Variants in CLPTM1L observed in about 807,000 individuals in gnomAD.
CLPTM1L encodes the protein lipid scramblase CLPTM1L.
CLPTM1L carries 38 observed loss-of-function variants against 70.9 expected under a neutral mutation model. The observed-to-expected ratio is 0.54, with a 90% confidence interval of 0.41 to 0.70. The LOEUF is 0.70. Among genes scored for constraint, CLPTM1L ranks in the 30% least tolerant of loss-of-function variants. CLPTM1L has a pLI of 0.00. For synonymous variants in CLPTM1L, 339 were observed against 299.9 expected, an observed-to-expected ratio of 1.13 and a Z score of -1.35; for missense variants, 652 against 705.9, an observed-to-expected ratio of 0.92 and a Z score of 0.87.
At chr5:1,344,490 C>T in intron 1 of CLPTM1L, 39 bp from the exon 2 acceptor site, 1 of 1,573,414 alleles carries the variant, frequency 6.4e-7, no homozygotes, top group Non-Finnish European at 8.7e-7. Flanking sequence ...CTCGGCCAGG[C>T]CCTGGCAGGA....
In CLPTM1L at chr5:1,338,974, G is replaced by A. The variant is rs1560869305; in HGVS notation, c.485C>T (p.Ala162Val). Reference protein sequence around the residue: ...QIEAEKKPTSALDEPVSHWRP... With the variant: ...QIEAEKKPTSVLDEPVSHWRP... ...CCAGTGGGACACTGGCTCATCCAGGGCACTCGTCGGCTTCTTCTCCGCCTC... is the reference window on the plus strand; with the variant it reads ...CCAGTGGGACACTGGCTCATCCAGGACACTCGTCGGCTTCTTCTCCGCCTC... The change falls in exon 4 of 17, where the codon GCC (alanine) becomes GTC (valine). Residue 162 changes from alanine to valine, a missense_variant. Coordinates refer to ENST00000320895, the MANE Select transcript of CLPTM1L (RefSeq NM_030782.5). 3 of 1,613,178 alleles carry A rather than the reference G, an allele frequency of 1.9e-6. No individual in the cohort carries two copies. Among genetic ancestry groups the A allele is most frequent in the African/African-American group, 2.7e-5 (2 of 74,956 alleles).
Position 1,328,004 on chromosome 5 carries a change from G to A in CLPTM1L, c.1081-2188C>T, listed in dbSNP as rs370468348. Among the ~76,000 whole-genome samples, 123 of 15,008 alleles carry A rather than the reference G, an allele frequency of 8.2e-3. 61 individuals carry two copies. The highest frequency in any genetic ancestry group is 6.2e-3 in the Admixed American group (10 of 1,620). 9.8% of individuals were successfully genotyped at this position (15,008 alleles called of 152,430 possible). A position where few individuals can be genotyped will look rare whatever the true frequency, so the allele number is the denominator to read the frequency against. ...ACATTCCATCCAGCTCCTCCTCTAC[G>A]GACACATTCCATCCAGCTCCTCCTC... On this transcript the variant is annotated intron_variant, in intron 9 of 16. Coordinates refer to ENST00000320895, the MANE Select transcript of CLPTM1L (RefSeq NM_030782.5).
chr5:1,322,717 T>TG (rs1752229835), intron 13 of CLPTM1L, 160 bp downstream of exon 13: 3 of 744,706 alleles, frequency 4.0e-6, no homozygotes, highest in African/African-American at 1.7e-5. Context: ...GCTCACAGCC[T>TG]GGGGGGAGCC....
rs1751924479 is a variant in CLPTM1L, at chr5:1,317,907, A to G, written c.*462T>C. ...AATTTATTTTAAAATAGAAACATAC[A>G]TTAAGCTTTAAAACAACCAACTCTC... is the stretch of plus-strand genomic sequence containing the variant. On this transcript the variant is annotated 3_prime_UTR_variant, in exon 17 of 17. Transcript: ENST00000320895. 6.4e-6 allele frequency: 1 copy of G among 157,312 alleles called. No homozygotes were observed. The highest frequency in any genetic ancestry group is 2.4e-5 in the African/African-American group (1 of 41,714). The allele number at this position is 157,312 out of a possible 1,614,324, so 9.7% of individuals were successfully genotyped here. A position where few individuals can be genotyped will look rare whatever the true frequency, so the allele number is the denominator to read the frequency against.
At chr5:1,322,190 G>A (rs1434293741) in intron 13 of CLPTM1L, among the ~76,000 whole-genome samples, 1 of 152,192 alleles carries the variant, frequency 6.6e-6, no homozygotes, top group Non-Finnish European at 1.5e-5. Flanking sequence ...AGGGAGGACG[G>A]CAGTGCGGGA....
chr5:1,336,534 G>A (rs1390644896), intron 5 of CLPTM1L, among the ~76,000 whole-genome samples: 3 of 152,238 alleles, frequency 2.0e-5, no homozygotes, highest in Admixed American at 6.5e-5. Context: ...GGAGTCAGCG[G>A]CATGAGGCTT....
chr5:1,325,692 G>C (rs573455192), intron 10 of CLPTM1L, 59 bp downstream of exon 10: 1 of 1,448,308 alleles, frequency 6.9e-7, no homozygotes, highest in East Asian at 2.3e-5. Flanking sequence ...CTTTGCACAG[G>C]GGGCAAAATC....
rs1400897595 is a variant in CLPTM1L, at chr5:1,323,802, T to C, written c.1265A>G (p.Asn422Ser). Reference protein sequence around the residue: ...CVGGAVYSLLNIKYKSWYSWL... With the variant: ...CVGGAVYSLLSIKYKSWYSWL... ...GGCCTCCTACCTCTTATATTTGATA[T>C]TCAGGAGTGAATAGACAGCACCCCC... Residue 422 changes from asparagine (N) to serine (S), a missense_variant, in exon 12 of 17, where the codon AAT becomes AGT. Physicochemically the swap from Asn to Ser is conservative, Grantham distance 46. This residue lies in a region of CLPTM1L where 240 missense variants were observed against 295.0 expected (regional missense o/e 0.81). Coordinates refer to ENST00000320895, the MANE Select transcript of CLPTM1L (RefSeq NM_030782.5). 1 of 1,613,100 alleles carries C rather than the reference T, an allele frequency of 6.2e-7. No homozygotes were observed. Among genetic ancestry groups the C allele is most frequent in the East Asian group, 2.2e-5 (1 of 44,886 alleles).
intron 15 of CLPTM1L, 75 bp downstream of exon 15, chr5:1,321,555 AGTAAT>A (rs1752153705): frequency 3.2e-6 from 4 of 1,244,414 alleles, no homozygotes. Context: ...AGATGGCCCC[AGTAAT>A]GCTGTTGGCT....
Position 1,344,888 on chromosome 5 carries a change from G to A in CLPTM1L, c.-47C>T, listed in dbSNP as rs1754180463. 1.9e-6 allele frequency: 2 copies of A among 1,062,112 alleles called. No individual in the cohort carries two copies. The highest frequency in any genetic ancestry group is 1.1e-6 in the Non-Finnish European group (1 of 875,178). The allele number at this position is 1,062,112 out of a possible 1,614,324, so 65.8% of individuals were successfully genotyped here. ...CCCGGCCCGCCCGCCTCTCAGCCGC[G>A]AGCCCCGCCCGCCCGGCGCCCAGCC... is the stretch of plus-strand genomic sequence containing the variant. On this transcript the variant is annotated 5_prime_UTR_variant, in exon 1 of 17. Transcript: ENST00000320895.
intron 9 of CLPTM1L, among the ~76,000 whole-genome samples, chr5:1,327,929 T>C (rs1456812166): frequency 4.0e-4 from 23 of 57,338 alleles, no homozygotes; most frequent in African/African-American, 9.2e-4. Flanking sequence ...ACACATTCCA[T>C]CCAGCTCCTC....
chr5:1,334,282 GA>G lies in CLPTM1L; in HGVS notation c.891+6del. ...GCCTGCGGCAAGCCCCCCGGTGGAT[GA>G]CTCACATGGAACGCTGCGACAAAGA... is the stretch of plus-strand genomic sequence containing the variant. On this transcript the variant is annotated splice_donor_region_variant and intron_variant, in intron 7 of 16. Transcript: ENST00000320895. The G allele has an allele frequency of 2.5e-6, 4 of 1,610,940 alleles. No individual in the cohort carries two copies. The highest frequency in any genetic ancestry group is 3.4e-6 in the Non-Finnish European group (4 of 1,177,452).
rs868605149 is a variant in CLPTM1L, at chr5:1,342,234, C to G, written c.264-374G>C. Among the ~76,000 whole-genome samples, 24 of 152,168 alleles carry G rather than the reference C, an allele frequency of 1.6e-4. No homozygotes were observed. Among genetic ancestry groups the G allele is most frequent in the African/African-American group, 4.1e-4 (17 of 41,420 alleles). On this transcript the variant is annotated intron_variant, in intron 2 of 16. Coordinates refer to ENST00000320895, the MANE Select transcript of CLPTM1L (RefSeq NM_030782.5). The surrounding 1 kb of genome is among the most constrained non-coding windows in gnomAD (Gnocchi z 4.3). ...CCAGGGTACCAGCTGACCACACACACTGAATCACCCAACTCCGAAGCGACA... is the reference window on the plus strand; with the variant it reads ...CCAGGGTACCAGCTGACCACACACAGTGAATCACCCAACTCCGAAGCGACA...
chr5:1,335,244 C>A, intron 5 of CLPTM1L, 70 bp from the exon 6 acceptor site: 2 of 1,230,752 alleles, frequency 1.6e-6, no homozygotes, highest in Non-Finnish European at 1.2e-6. Flanking sequence ...CAGCCCTCGC[C>A]AACCCTGCCA....
At position 1,337,927 on chromosome 5, in the gene CLPTM1L, T is replaced by C. The variant is rs1057366800; in HGVS notation, c.655A>G (p.Ser219Gly). The C allele has an allele frequency of 6.9e-6, 11 of 1,605,484 alleles. No homozygotes were observed. The highest frequency in any genetic ancestry group is 7.6e-6 in the Non-Finnish European group (9 of 1,177,192). ...YLPILFIDQL[S>G]NRVKDLMVIN... is the part of the protein sequence containing the mutation. ...ACCATCAGGTCCTTCACGCGGTTGC[T>C]GAGCTGGTCGATGAACAGGATGGGC... The change falls in exon 5 of 17, where the codon AGC (serine) becomes GGC (glycine). Residue 219 changes from serine (S) to glycine (G), a missense_variant. By Grantham distance (56) the Ser-to-Gly change is moderately conservative. Around this residue, in one of 3 missense-constraint regions of CLPTM1L, gnomAD observed 402 missense variants for 388.2 expected, o/e 1.04. Transcript: ENST00000320895.
At chr5:1,335,535 G>C (rs1753523373) in intron 5 of CLPTM1L, among the ~76,000 whole-genome samples, 1 of 152,272 alleles carries the variant, frequency 6.6e-6, no homozygotes, top group Non-Finnish European at 1.5e-5. Context: ...GCAGCATACG[G>C]CGCTGAGCTT....
chr5:1,323,338 C>T (rs985921775), intron 12 of CLPTM1L, among the ~76,000 whole-genome samples: 5 of 129,506 alleles, frequency 3.9e-5, no homozygotes, highest in Admixed American at 7.8e-5. Flanking sequence ...ACCTGGGCAA[C>T]AGAGGCTGGG....
chr5:1,337,371 A>G (rs1387580976), intron 5 of CLPTM1L, among the ~76,000 whole-genome samples: 2 of 152,246 alleles, frequency 1.3e-5, no homozygotes, highest in African/African-American at 2.4e-5. Context: ...GCCCGTAATC[A>G]CAGGGCGCCA....
intron 8 of CLPTM1L, chr5:1,331,544 C>T: frequency 1.8e-6 from 1 of 571,134 alleles, no homozygotes; most frequent in Non-Finnish European, 3.1e-6. Context: ...CCCATGCACG[C>T]CAGAGTCCGC....
Sources: gnomAD v4.1 joint callset for allele counts (sites outside exome capture counted in the v4.1 genomes callset) on GRCh38, gnomAD v4.1.1 for gene constraint, gnomAD v4.1.1 regional missense constraint, Gnocchi (gnomAD v3.1) non-coding constraint, MANE v1.5 for transcripts, NCBI Gene and HGNC (gene_info 2026-07-23, HGNC 2026-07-21) for gene names.